The following MAF variants were observed in gnomAD, a reference collection of about 807,000 sequenced individuals.
The protein encoded by MAF is transcription factor Maf.
A neutral mutation model predicts 22.0 loss-of-function variants in MAF; 10 were observed. The ratio of observed to expected loss-of-function variants is 0.45; its 90% CI spans 0.28 to 0.77. MAF has a LOEUF of 0.77. Among genes scored for constraint, MAF ranks in the 30% least tolerant of loss-of-function variants. The pLI is 0.12. For missense variants in MAF, 544 were observed against 548.4 expected, an observed-to-expected ratio of 0.99 and a Z score of 0.08; for synonymous variants, 337 against 255.8, an observed-to-expected ratio of 1.32 and a Z score of -3.03.
the MAF span, among the ~76,000 whole-genome samples, chr16:79,394,621 A>T: frequency 6.6e-6 from 1 of 152,086 alleles, no homozygotes; most frequent in African/African-American, 2.4e-5. Flanking sequence ...TACTTCCTTC[A>T]TAAGGGGTTT....
At chr16:79,550,215 C>G in the MAF span, among the ~76,000 whole-genome samples, 1 of 151,782 alleles carries the variant, frequency 6.6e-6, no homozygotes, top group East Asian at 1.9e-4. Flanking sequence ...CCAAAATGAA[C>G]TTTAATATTA....
chr16:79,431,682 A>T, the MAF span, among the ~76,000 whole-genome samples: 1,615 of 152,296 alleles, frequency 0.011, 28 homozygotes, highest in African/African-American at 0.037. Flanking sequence ...TTCCGACTCA[A>T]AGGCGCCACT....
At chr16:79,515,660 A>G in the MAF span, among the ~76,000 whole-genome samples, 127,219 of 152,090 alleles carry the variant, frequency 0.84, 53,484 homozygotes, top group East Asian at 0.92. Flanking sequence ...TGTATTTACA[A>G]CTCTCCTCCT....
At chr16:79,391,785 G>A in the MAF span, among the ~76,000 whole-genome samples, 1 of 152,070 alleles carries the variant, frequency 6.6e-6, no homozygotes, top group Admixed American at 6.6e-5. Flanking sequence ...CTACCGGAGA[G>A]GCCCAGGGCA....
At chr16:79,395,331 G>A in the MAF span, among the ~76,000 whole-genome samples, 3 of 152,212 alleles carry the variant, frequency 2.0e-5, no homozygotes, top group African/African-American at 7.2e-5. Flanking sequence ...CAGTGAGGGA[G>A]CATAGGTTTG....
the MAF span, among the ~76,000 whole-genome samples, chr16:79,282,425 C>T: frequency 2.6e-5 from 4 of 152,246 alleles, no homozygotes; most frequent in South Asian, 6.2e-4. Context: ...GATGTGGGCA[C>T]TAGGGTATCC....
At chr16:79,387,690 G>A in the MAF span, among the ~76,000 whole-genome samples, 4 of 152,110 alleles carry the variant, frequency 2.6e-5, no homozygotes, top group Non-Finnish European at 4.4e-5. Context: ...ACAGTATAAA[G>A]GGAACAAACT....
chr16:79,525,135 G>T, the MAF span, among the ~76,000 whole-genome samples: 3 of 152,118 alleles, frequency 2.0e-5, no homozygotes, highest in African/African-American at 7.2e-5. Context: ...TTCCCTGTGA[G>T]CTAAAAATTA....
At chr16:79,571,205 G>C in the MAF span, among the ~76,000 whole-genome samples, 2 of 151,978 alleles carry the variant, frequency 1.3e-5, no homozygotes, top group Non-Finnish European at 1.5e-5. Flanking sequence ...ATTCAAATTT[G>C]GCTGCATAGA....
chr16:79,338,644 G>C, the MAF span, among the ~76,000 whole-genome samples: 1 of 151,982 alleles, frequency 6.6e-6, no homozygotes, highest in South Asian at 2.1e-4. Context: ...AAAGAGTTGA[G>C]GAAGAAAAAA....
chr16:79,205,980 A>C, the MAF span: 10 of 152,310 alleles, frequency 6.6e-5, no homozygotes, highest in South Asian at 1.7e-3. Flanking sequence ...TAGTTCTGCA[A>C]ATCTGGCACC....
chr16:79,508,546 C>A, the MAF span, among the ~76,000 whole-genome samples: 1 of 152,214 alleles, frequency 6.6e-6, no homozygotes, highest in Non-Finnish European at 1.5e-5. Context: ...GTTCTTGGCA[C>A]CTGCTTTGCA....
chr16:79,340,625 T>A, the MAF span, among the ~76,000 whole-genome samples: 1 of 151,802 alleles, frequency 6.6e-6, no homozygotes, highest in Non-Finnish European at 1.5e-5. Flanking sequence ...CTCAGACAAC[T>A]TTATATGCAA....
the MAF span, chr16:79,211,568 T>TCTTAAAATTTTTCTCATCACTCCTTC: frequency 1.2e-6 from 2 of 1,613,260 alleles, no homozygotes; most frequent in Non-Finnish European, 1.7e-6. Context: ...ATCACTCCTT[T>TCTTAAAATTTTTCTCATCACTCCTTC]TCTTAAAATT....
the MAF span, among the ~76,000 whole-genome samples, chr16:79,575,572 T>C: frequency 6.6e-6 from 1 of 152,098 alleles, no homozygotes; most frequent in Non-Finnish European, 1.5e-5. Flanking sequence ...GGAACTGGCA[T>C]GTTTAGGGTG....
the MAF span, among the ~76,000 whole-genome samples, chr16:79,468,540 C>T: frequency 9.2e-5 from 14 of 152,310 alleles, no homozygotes; most frequent in East Asian, 2.7e-3. Context: ...ACCTGCTGTC[C>T]CAGAAACAGG....
At chr16:79,324,549 G>T in the MAF span, among the ~76,000 whole-genome samples, 70 of 152,246 alleles carry the variant, frequency 4.6e-4, no homozygotes, top group African/African-American at 1.7e-3. Context: ...ATATAAGCAA[G>T]CATTATCTTT....
At chr16:79,358,816 G>C in the MAF span, among the ~76,000 whole-genome samples, 21 of 152,158 alleles carry the variant, frequency 1.4e-4, no homozygotes, top group Admixed American at 7.9e-4. Context: ...TCTTGCTCTG[G>C]AGCCCATTCC....
chr16:79,340,382 C>A, the MAF span, among the ~76,000 whole-genome samples: 1 of 151,174 alleles, frequency 6.6e-6, no homozygotes, highest in African/African-American at 2.4e-5. Flanking sequence ...TTTTAAAGCA[C>A]CTACTTTATT....
Sources: gnomAD v4.1 joint callset for allele counts (sites outside exome capture counted in the v4.1 genomes callset) on GRCh38, gnomAD v4.1.1 for gene constraint, MANE v1.5 for transcripts, NCBI Gene and HGNC (gene_info 2026-07-23, HGNC 2026-07-21) for gene names.